The following ROBO2 variants were observed in gnomAD, a reference collection of about 807,000 sequenced individuals.
The protein encoded by ROBO2 is roundabout homolog 2.
A neutral mutation model predicts 160.8 loss-of-function variants in ROBO2; 53 were observed. That is an observed-to-expected ratio of 0.33 (90% CI 0.26 to 0.41). The LOEUF (loss-of-function observed/expected upper bound fraction) is 0.41. Among genes scored for constraint, ROBO2 ranks in the 10% least tolerant of loss-of-function variants. The probability of loss-of-function intolerance (pLI) is 1.00; values close to 1 mark genes in which losing one functional copy is unlikely to be tolerated. For missense variants in ROBO2, 1,577 were observed against 1,722.4 expected (o/e 0.92, Z 1.49); for synonymous variants, 664 against 611.7 (o/e 1.09, Z -1.26).
At chr3:76,850,329 G>C (rs557468998) in intron 2 of ROBO2, among the ~76,000 whole-genome samples, 1 of 152,204 alleles carries the variant, frequency 6.6e-6, no homozygotes, top group South Asian at 2.1e-4. Flanking sequence ...ATTAAGCAGT[G>C]ATTATAGCTT....
At chr3:76,540,848 G>A (rs1335759669) in intron 2 of ROBO2, among the ~76,000 whole-genome samples, 9 of 152,148 alleles carry the variant, frequency 5.9e-5, no homozygotes, top group African/African-American at 1.2e-4. Context: ...CACCCAGGCT[G>A]GAGTGCAGTG....
chr3:77,435,889 C>A (rs1237818073), intron 2 of ROBO2, among the ~76,000 whole-genome samples: 1 of 151,338 alleles, frequency 6.6e-6, no homozygotes, highest in Non-Finnish European at 1.5e-5. Context: ...GCAAAAAAAT[C>A]ATAATGTAAA....
chr3:77,009,348 T>C (rs2061745489), intron 2 of ROBO2, among the ~76,000 whole-genome samples: 1 of 152,212 alleles, frequency 6.6e-6, no homozygotes, highest in Non-Finnish European at 1.5e-5. Flanking sequence ...CTACTTACCA[T>C]AATTTAAATT....
At chr3:76,108,998 A>G (rs2070086605) in intron 2 of ROBO2, among the ~76,000 whole-genome samples, 2 of 151,776 alleles carry the variant, frequency 1.3e-5, no homozygotes, top group African/African-American at 2.4e-5. Context: ...TTTTTCAAGT[A>G]TTTCTCTGTA....
chr3:76,209,935 A>C (rs1703037973), intron 2 of ROBO2, among the ~76,000 whole-genome samples: 1 of 152,114 alleles, frequency 6.6e-6, no homozygotes, highest in South Asian at 2.1e-4. Context: ...GAATCAAGCA[A>C]AGGATGGATT....
rs2061373042 is a variant in ROBO2 at position 77,292,177 on chromosome 3, C to CCCCA, written c.389-185237_389-185236insCCCA. Among the ~76,000 whole-genome samples, 2 of 150,156 alleles carry CCCCA rather than the reference C, an allele frequency of 1.3e-5. 1 individual carries two copies. The highest frequency in any genetic ancestry group is 3.0e-5 in the Non-Finnish European group (2 of 67,632). ...AAACGGGTAAGCTGAGGCTAGATCA[C>CCCCA]GCCAGACATAAAGTAAAATTGATGG... On this transcript the variant is annotated intron_variant, in intron 2 of 25. Transcript: ENST00000461745.
At chr3:76,281,294 A>G (rs765559205) in intron 2 of ROBO2, among the ~76,000 whole-genome samples, 2 of 151,896 alleles carry the variant, frequency 1.3e-5, no homozygotes, top group Non-Finnish European at 2.9e-5. Flanking sequence ...GACATAATAA[A>G]GCAACAATGC....
chr3:76,992,827 AT>A (rs980918045), intron 2 of ROBO2, among the ~76,000 whole-genome samples: 2 of 151,602 alleles, frequency 1.3e-5, no homozygotes, highest in African/African-American at 2.4e-5. Flanking sequence ...TACTTTTTTA[AT>A]TTTTTTTGAG....
At chr3:76,587,702 A>T (rs1013832421) in intron 2 of ROBO2, among the ~76,000 whole-genome samples, 2 of 152,248 alleles carry the variant, frequency 1.3e-5, no homozygotes, top group Non-Finnish European at 2.9e-5. Flanking sequence ...AAACCATATC[A>T]GTACCCAAAT....
intron 2 of ROBO2, among the ~76,000 whole-genome samples, chr3:76,100,691 T>G (rs1418857264): frequency 2.0e-5 from 3 of 152,182 alleles, no homozygotes; most frequent in Non-Finnish European, 4.4e-5. Context: ...GATGACTCTT[T>G]CTAGGGCGTA....
rs956908264 is a variant in ROBO2 at position 77,537,107 on chromosome 3, G to GGT, written c.935-9230_935-9229insTG. Among the ~76,000 whole-genome samples, 70 of 142,550 alleles carry GGT rather than the reference G, an allele frequency of 4.9e-4. No homozygotes were observed. The East Asian group carries it at 0.01, about 21-fold the overall frequency. 93.5% of individuals were successfully genotyped at this position (142,550 alleles called of 152,430 possible). ...AACATATACATATTTTGTGGGGGGGGGGTGTATTACACTTACCAAAATAAA... is the reference window on the plus strand; with the variant it reads ...AACATATACATATTTTGTGGGGGGGGGTGGTGTATTACACTTACCAAAATAAA... On this transcript the variant is annotated intron_variant, in intron 6 of 25. Transcript: ENST00000461745.
intron 2 of ROBO2, among the ~76,000 whole-genome samples, chr3:77,233,808 AAAT>A (rs577159406): frequency 6.6e-6 from 1 of 152,188 alleles, no homozygotes; most frequent in Non-Finnish European, 1.5e-5. Flanking sequence ...TCGCTCAAGA[AAAT>A]AATACTTAAA....
chr3:76,916,764 GAAAAGA>G (rs2076341903), intron 2 of ROBO2, among the ~76,000 whole-genome samples: 1 of 151,978 alleles, frequency 6.6e-6, no homozygotes, highest in Non-Finnish European at 1.5e-5. Flanking sequence ...TATTCAAAAA[GAAAAGA>G]AAAAGAACAA....
intron 2 of ROBO2, among the ~76,000 whole-genome samples, chr3:76,855,111 A>T (rs955582852): frequency 1.3e-5 from 2 of 152,240 alleles, no homozygotes; most frequent in African/African-American, 4.8e-5. Flanking sequence ...TAAAATTCAC[A>T]CATGGCTACA....
At chr3:76,542,700 G>A (rs199931899) in intron 2 of ROBO2, among the ~76,000 whole-genome samples, 4 of 151,582 alleles carry the variant, frequency 2.6e-5, no homozygotes, top group East Asian at 1.9e-4. Context: ...CTTTCATTCC[G>A]CAAGATCTTG....
chr3:76,300,410 A>C (rs1410004858), intron 2 of ROBO2, among the ~76,000 whole-genome samples: 2 of 152,066 alleles, frequency 1.3e-5, no homozygotes, highest in African/African-American at 4.8e-5. Flanking sequence ...GCCTCCGCAG[A>C]AGCAGAAACC....
intron 2 of ROBO2, among the ~76,000 whole-genome samples, chr3:77,311,574 C>T (rs1467178221): frequency 2.6e-5 from 4 of 152,128 alleles, no homozygotes; most frequent in East Asian, 1.9e-4. Context: ...AGGGATTCAG[C>T]GTTAAATCAA....
chr3:76,726,797 G>A (rs267119), intron 2 of ROBO2, among the ~76,000 whole-genome samples: 24,480 of 152,172 alleles, frequency 0.16, 2,328 homozygotes, highest in Non-Finnish European at 0.22. Flanking sequence ...ATATAAAAGA[G>A]TGAAGGAATG....
chr3:76,622,252 AAG>A (rs2089227193), intron 2 of ROBO2, among the ~76,000 whole-genome samples: 2 of 61,932 alleles, frequency 3.2e-5, no homozygotes, highest in South Asian at 7.8e-4. Flanking sequence ...GAAAGAAAGA[AAG>A]AAAGAAAGAA....
Sources: allele counts gnomAD v4.1 joint callset (sites outside exome capture counted in the v4.1 genomes callset), GRCh38; gene constraint gnomAD v4.1.1; transcripts MANE v1.5; gene names NCBI Gene and HGNC (gene_info 2026-07-23, HGNC 2026-07-21).